Variants in METTL3 observed in about 807,000 individuals in gnomAD.
METTL3 encodes methyltransferase 3, N6-adenosine-methyltransferase complex catalytic subunit.
In METTL3, 42 loss-of-function variants were observed where a neutral mutation model predicts 64.3. That is an observed-to-expected ratio of 0.65 (90% confidence interval 0.51 to 0.84). METTL3 has a LOEUF of 0.84. Ranked by LOEUF, METTL3 falls within the 40% of genes least tolerant of loss-of-function variation. METTL3 has a pLI of 0.00. For synonymous variants in METTL3, 256 were observed against 263.6 expected, an observed-to-expected ratio of 0.97 and a Z score of 0.28; for missense variants, 435 against 722.3, an observed-to-expected ratio of 0.60 and a Z score of 4.56.
At chr14:21,498,597 ATGCTT>A in intron 10 of METTL3, 1 of 559,364 alleles carries the variant, frequency 1.8e-6, no homozygotes, top group Non-Finnish European at 3.1e-6. Context: ...TTAGTAACTA[ATGCTT>A]AGCCAGGCCT....
At chr14:21,505,494 C>T (rs1891676215) in intron 1 of METTL3, among the ~76,000 whole-genome samples, 1 of 151,806 alleles carries the variant, frequency 6.6e-6, no homozygotes, top group Admixed American at 6.6e-5. Flanking sequence ...TTTTTTTCCC[C>T]AACATTACAT....
intron 1 of METTL3, chr14:21,507,953 A>G (rs1321243529): frequency 6.6e-6 from 1 of 152,178 alleles, no homozygotes; most frequent in African/African-American, 2.4e-5. Flanking sequence ...TTACAACCCC[A>G]AAAATACTTT....
chr14:21,499,257 CTGATACCAACAAAAATG>C, intron 9 of METTL3, 32 bp downstream of exon 9: 1 of 1,609,488 alleles, frequency 6.2e-7, no homozygotes, highest in Non-Finnish European at 8.5e-7. Flanking sequence ...ACATGAATAA[CTGATACCAACAAAAATG>C]TGGAAGCTTT....
intron 3 of METTL3, chr14:21,502,650 C>A: frequency 6.4e-6 from 1 of 155,374 alleles, no homozygotes; most frequent in South Asian, 1.9e-4. Flanking sequence ...AGTTAATTAA[C>A]TTGTTCAAAC....
intron 10 of METTL3, 159 bp downstream of exon 10, chr14:21,498,866 G>A: frequency 1.7e-6 from 1 of 602,502 alleles, no homozygotes; most frequent in Non-Finnish European, 2.9e-6. Context: ...AATATTTGTA[G>A]AATCTCATAA....
chr14:21,506,706 C>G (rs954421420), intron 1 of METTL3, among the ~76,000 whole-genome samples: 7 of 152,116 alleles, frequency 4.6e-5, no homozygotes, highest in African/African-American at 1.7e-4. Context: ...TATATACATA[C>G]AGTGGAATAT....
At chr14:21,507,181 C>T (rs1006857216) in intron 1 of METTL3, among the ~76,000 whole-genome samples, 1 of 149,962 alleles carries the variant, frequency 6.7e-6, no homozygotes, top group African/African-American at 2.5e-5. Context: ...AACTCTGTCT[C>T]AAAAAATAAA....
chr14:21,511,284 C>A lies in METTL3; in HGVS notation c.-61G>T. 2 of 1,569,580 alleles carry A rather than the reference C, an allele frequency of 1.3e-6. No homozygotes were observed. Among genetic ancestry groups the A allele is most frequent in the Non-Finnish European group, 1.7e-6 (2 of 1,157,860 alleles). On this transcript the variant is annotated 5_prime_UTR_variant, in exon 1 of 11. Coordinates refer to ENST00000298717, the MANE Select transcript of METTL3 (RefSeq NM_019852.5). ...CGCGGCGGACTAGCACCTCCCAGCA[C>A]TCGCTCCAGGATATAGCCAATTCTC...
At chr14:21,498,560 A>ATTTTT (rs2139637284) in intron 10 of METTL3, 191 bp from the exon 11 acceptor site, 1 of 611,324 alleles carries the variant, frequency 1.6e-6, no homozygotes, top group Middle Eastern at 4.3e-4. Flanking sequence ...TGGTGTTAAA[A>ATTTTT]TAGACTGGAT....
rs754054029 is a variant in METTL3, at chr14:21,499,719, G to T, written c.1343+45C>A. The T allele has an allele frequency of 6.9e-6, 11 of 1,594,302 alleles. No homozygotes were observed. The East Asian group carries it at 1.1e-4, about 16-fold the overall frequency. On this transcript the variant is annotated intron_variant, in intron 7 of 10. Transcript: ENST00000298717. ...GGGAGAAGAGAACATGTATCTCACT[G>T]TAACAGTATTACCCTCAAAAGAAAG... is the stretch of plus-strand genomic sequence containing the variant.
chr14:21,510,966 G>A (rs1238480033), intron 1 of METTL3, 158 bp downstream of exon 1: 18 of 804,716 alleles, frequency 2.2e-5, no homozygotes, highest in Middle Eastern at 3.4e-4. Context: ...CTTGCAGAAG[G>A]GCGAACGTCT....
At chr14:21,498,903 C>A in intron 10 of METTL3, 122 bp downstream of exon 10, 1 of 672,470 alleles carries the variant, frequency 1.5e-6, no homozygotes. Context: ...GCTTAAGTGG[C>A]TTATGAATCC....
intron 1 of METTL3, among the ~76,000 whole-genome samples, chr14:21,509,737 C>T (rs1891783962): frequency 6.6e-6 from 1 of 151,998 alleles, no homozygotes; most frequent in Non-Finnish European, 1.5e-5. Context: ...ATCATTTATG[C>T]ACATTTTTAA....
chr14:21,507,658 A>T (rs1891731884), intron 1 of METTL3: 1 of 152,028 alleles, frequency 6.6e-6, no homozygotes, highest in East Asian at 1.9e-4. Context: ...TGTGGTAGGC[A>T]AATTTTTATT....
At chr14:21,503,068 T>G (rs1891608551) in intron 3 of METTL3, 105 bp downstream of exon 3, 4 of 1,273,536 alleles carry the variant, frequency 3.1e-6, no homozygotes, top group Non-Finnish European at 4.3e-6. Context: ...TCATCCCCAG[T>G]TGAGAACCAC....
chr14:21,504,808 T>A (rs1313012783), intron 1 of METTL3: 1 of 150,254 alleles, frequency 6.7e-6, no homozygotes, highest in Non-Finnish European at 1.5e-5. Flanking sequence ...GGGGTGGTGA[T>A]GCAAGGTTAT....
At chr14:21,499,644 C>G in intron 7 of METTL3, 44 bp from the exon 8 acceptor site, 3 of 1,590,302 alleles carry the variant, frequency 1.9e-6, no homozygotes, top group Non-Finnish European at 2.6e-6. Flanking sequence ...CAAACTTTTA[C>G]AGTTTAGGGG....
At chr14:21,503,935 A>ACTGGATTTTCTATCTACCT in intron 1 of METTL3, 54 bp from the exon 2 acceptor site, 3 of 1,531,662 alleles carry the variant, frequency 2.0e-6, no homozygotes, top group Non-Finnish European at 1.8e-6. Context: ...TGGTCTATAT[A>ACTGGATTTTCTATCTACCT]TTTCTGAGAA....
intron 6 of METTL3, 81 bp downstream of exon 6, chr14:21,500,414 G>A: frequency 2.1e-6 from 3 of 1,439,030 alleles, no homozygotes; most frequent in Admixed American, 3.5e-5. Context: ...GTGGGGCTAG[G>A]AAAACCCAGG....
Sources: allele counts gnomAD v4.1 joint callset (sites outside exome capture counted in the v4.1 genomes callset), GRCh38; gene constraint gnomAD v4.1.1; transcripts MANE v1.5; gene names NCBI Gene and HGNC (gene_info 2026-07-23, HGNC 2026-07-21).